SOD2: variants seen among roughly 807,000 people sequenced by gnomAD.
The protein encoded by SOD2 is superoxide dismutase 2, also known as superoxide dismutase [Mn], mitochondrial.
A neutral mutation model predicts 27.0 loss-of-function variants in SOD2; 11 were observed. The observed-to-expected ratio is 0.41, with a 90% CI of 0.26 to 0.67. The LOEUF is 0.67. SOD2 is among the 30% of genes least tolerant of loss of function. The probability of loss-of-function intolerance (pLI) is 0.34; values close to 1 mark genes in which losing one functional copy is unlikely to be tolerated. For missense variants in SOD2, 250 were observed against 274.5 expected, an observed-to-expected ratio of 0.91 and a Z score of 0.63; for synonymous variants, 105 against 103.0, an observed-to-expected ratio of 1.02 and a Z score of -0.12.
Position 159,670,142 on chromosome 6 carries a change from G to A in SOD2, c.*12351C>T, listed in dbSNP as rs1021073554. On this transcript the variant is annotated 3_prime_UTR_variant, in exon 5 of 5. Transcript: ENST00000538183. Reference sequence around the variant, plus strand: ...CCCAACTCAGCCTCTCAAGTAGCTGGGACTATAGGGATGTGCCAGCATGCC... The same window carrying A: ...CCCAACTCAGCCTCTCAAGTAGCTGAGACTATAGGGATGTGCCAGCATGCC... 6.6e-6 allele frequency: 1 copy of A among 152,140 alleles called. No homozygotes were observed. The highest frequency in any genetic ancestry group is 2.4e-5 in the African/African-American group (1 of 41,388). 9.4% of individuals were successfully genotyped at this position (152,140 alleles called of 1,614,324 possible). A position where few individuals can be genotyped will look rare whatever the true frequency, so the allele number is the denominator to read the frequency against.
intron 1 of SOD2, among the ~76,000 whole-genome samples, chr6:159,757,832 T>A (rs1780046590): frequency 1.3e-5 from 2 of 152,358 alleles, no homozygotes; most frequent in African/African-American, 4.8e-5. Flanking sequence ...TTTTGTTATG[T>A]ACATCCTTCA....
chr6:159,725,163 C>A (rs1245486476), intron 1 of SOD2, among the ~76,000 whole-genome samples: 1 of 152,120 alleles, frequency 6.6e-6, no homozygotes, highest in Non-Finnish European at 1.5e-5. Context: ...AACACAGATA[C>A]ACTACTAGAG....
Position 159,735,680 on chromosome 6 carries a change from C to T in SOD2, c.-116+9450G>A, listed in dbSNP as rs553901011. Among the ~76,000 whole-genome samples the T allele has an allele frequency of 8.5e-5, 13 of 152,114 alleles. No individual in the cohort carries two copies. The South Asian group carries it at 2.3e-3, about 27-fold the overall frequency. ...AGGAGAATTGCTTGAACCCTGGAGG[C>T]GGAGGTTGCAGTGACCTGAGATCGC... On this transcript the variant is annotated intron_variant, in intron 1 of 3. Transcript: ENST00000537657.
chr6:159,739,043 A>G, intron 1 of SOD2: 2 of 1,610,572 alleles, frequency 1.2e-6, no homozygotes, highest in Non-Finnish European at 1.7e-6. Context: ...AGTTAATTCT[A>G]AGGTAAAATG....
intron 1 of SOD2, among the ~76,000 whole-genome samples, chr6:159,719,987 G>C (rs1260905536): frequency 6.7e-6 from 1 of 150,116 alleles, no homozygotes; most frequent in Non-Finnish European, 1.5e-5. Flanking sequence ...GTCTCCCAAA[G>C]TCCTGGGATT....
intron 3 of SOD2, 105 bp downstream of exon 3, chr6:159,688,021 A>C (rs1780272019): frequency 1.3e-6 from 1 of 745,640 alleles, no homozygotes. Flanking sequence ...TCAAAAAAAC[A>C]ACAACAAAAA....
intron 1 of SOD2, among the ~76,000 whole-genome samples, chr6:159,720,239 C>CA (rs1416070667): frequency 1.3e-5 from 2 of 152,180 alleles, no homozygotes; most frequent in African/African-American, 2.4e-5. Context: ...TTAGCAAAGA[C>CA]AGAGTTTCAC....
chr6:159,693,065 T>C, intron 1 of SOD2, 80 bp downstream of exon 1: 2 of 1,502,778 alleles, frequency 1.3e-6, no homozygotes, highest in East Asian at 2.8e-5. Context: ...GTGCGGCCAC[T>C]GTCGCCATTG....
chr6:159,703,112 C>T (rs1369427780), intron 1 of SOD2, among the ~76,000 whole-genome samples: 1 of 152,002 alleles, frequency 6.6e-6, no homozygotes, highest in East Asian at 1.9e-4. Context: ...GTTGGGAGTT[C>T]GAGACCAGCC....
intron 3 of SOD2, 100 bp downstream of exon 3, chr6:159,688,024 AAC>A: frequency 2.6e-6 from 2 of 755,060 alleles, no homozygotes; most frequent in Non-Finnish European, 4.6e-6. Flanking sequence ...AAAAAACAAC[AAC>A]AAAAAAAACA....
chr6:159,761,791 G>C, exon 1 of SOD2: 1 of 248,460 alleles, frequency 4.0e-6, no homozygotes, highest in South Asian at 4.4e-5. Flanking sequence ...AAATGCGTCC[G>C]AGGTCCGCGG....
chr6:159,735,525 C>T (rs982127594), intron 1 of SOD2, among the ~76,000 whole-genome samples: 6 of 152,086 alleles, frequency 3.9e-5, no homozygotes, highest in South Asian at 2.1e-4. Flanking sequence ...CCAAGGCGGA[C>T]GGGTTGCAAT....
At chr6:159,737,782 A>G (rs908785294) in intron 1 of SOD2, among the ~76,000 whole-genome samples, 1 of 152,238 alleles carries the variant, frequency 6.6e-6, no homozygotes, top group East Asian at 1.9e-4. Context: ...CACAATGCCC[A>G]GCCAAAGCCT....
chr6:159,744,168 T>G (rs1256856075), intron 1 of SOD2, among the ~76,000 whole-genome samples: 1 of 152,200 alleles, frequency 6.6e-6, no homozygotes, highest in Non-Finnish European at 1.5e-5. Flanking sequence ...TGTTCTCTTG[T>G]CCCCTCTGTG....
rs193099845 is a variant in SOD2, at chr6:159,689,335, T to C, written c.227-1093A>G. On this transcript the variant is annotated intron_variant, in intron 2 of 4. Transcript: ENST00000538183. ...TGAAGCCTTCTCTAGCCACCATACA[T>C]GAATTAGCAACTCCCTGCCACCCCT... 3.2e-3 allele frequency among the ~76,000 whole-genome samples: 482 copies of C among 152,218 alleles called. 1 individual carries two copies. The highest frequency in any genetic ancestry group is 0.011 in the African/African-American group (456 of 41,536).
At chr6:159,700,704 C>T (rs1398263997) in intron 1 of SOD2, among the ~76,000 whole-genome samples, 1 of 151,206 alleles carries the variant, frequency 6.6e-6, no homozygotes, top group African/African-American at 2.4e-5. Flanking sequence ...GCATGTTTTC[C>T]AACTCCCATT....
chr6:159,681,164 T>C lies in SOD2; in HGVS notation c.*1329A>G, dbSNP rs1779940949. 7.0e-6 allele frequency: 1 copy of C among 143,324 alleles called. No homozygotes were observed. Among genetic ancestry groups the C allele is most frequent in the South Asian group, 2.2e-4 (1 of 4,522 alleles). 8.9% of individuals were successfully genotyped at this position (143,324 alleles called of 1,614,324 possible). A position where few individuals can be genotyped will look rare whatever the true frequency, so the allele number is the denominator to read the frequency against. The stretch of plus-strand genomic sequence containing the variant: ...GTGAGACGGAGCAGGGACCCCTCTT[T>C]GGGGTGTGCCAGGGGGATTCCCACA... On this transcript the variant is annotated 3_prime_UTR_variant, in exon 5 of 5. Coordinates refer to ENST00000538183, the MANE Select transcript of SOD2 (RefSeq NM_000636.4).
chr6:159,722,897 G>C (rs960778714), intron 1 of SOD2, among the ~76,000 whole-genome samples: 2 of 152,174 alleles, frequency 1.3e-5, no homozygotes, highest in Non-Finnish European at 2.9e-5. Flanking sequence ...AAAATGGCCA[G>C]GACTTGATTA....
Position 159,712,410 on chromosome 6 carries a change from GATC to G in SOD2, c.-116+14716_-116+14718del, listed in dbSNP as rs1777827061. 7.9e-5 allele frequency among the ~76,000 whole-genome samples: 7 copies of G among 88,942 alleles called. 1 individual carries two copies. Among genetic ancestry groups the G allele is most frequent in the East Asian group, 2.9e-4 (1 of 3,390 alleles). The allele number at this position is 88,942 out of a possible 152,430, so 58.3% of individuals were successfully genotyped here. ...CCATAACCACCACTCACACTGCTCTGATCACCATAACCACCTCCATAACCACCA... is the reference window on the plus strand; with the variant it reads ...CCATAACCACCACTCACACTGCTCTGACCATAACCACCTCCATAACCACCA... On this transcript the variant is annotated intron_variant, in intron 1 of 2. Coordinates refer to the SOD2 transcript ENST00000401980.
Sources: gnomAD v4.1 joint callset for allele counts (sites outside exome capture counted in the v4.1 genomes callset) on GRCh38, gnomAD v4.1.1 for gene constraint, MANE v1.5 for transcripts, NCBI Gene and HGNC (gene_info 2026-07-23, HGNC 2026-07-21) for gene names.